Variants in TTC28 observed in about 807,000 individuals in gnomAD.
The protein encoded by TTC28 is tetratricopeptide repeat domain 28, also known as tetratricopeptide repeat protein 28.
A neutral mutation model predicts 198.0 loss-of-function variants in TTC28; 61 were observed. That is an observed-to-expected ratio of 0.31 (90% CI 0.25 to 0.38). TTC28 has a LOEUF of 0.38. Ranked by LOEUF, TTC28 falls within the 10% of genes least tolerant of loss-of-function variation. The pLI, the probability that TTC28 is intolerant of heterozygous loss-of-function variation, is 1.00. For missense variants in TTC28, 2,678 were observed against 3,164.0 expected, an observed-to-expected ratio of 0.85 and a Z score of 3.69; for synonymous variants, 1,171 against 1,297.8, an observed-to-expected ratio of 0.90 and a Z score of 2.10.
chr22:28,210,249 G>A (rs967666804), intron 5 of TTC28, among the ~76,000 whole-genome samples: 4 of 152,194 alleles, frequency 2.6e-5, no homozygotes, highest in African/African-American at 9.6e-5. Flanking sequence ...CCAAAGGAAC[G>A]CAGCTTCTCG....
chr22:28,017,614 G>A (rs1569085037), intron 13 of TTC28, among the ~76,000 whole-genome samples: 1 of 152,196 alleles, frequency 6.6e-6, no homozygotes. Context: ...CGGACAGAGG[G>A]CTGGGGATGC....
intron 2 of TTC28, among the ~76,000 whole-genome samples, chr22:28,387,581 T>G (rs1043643371): frequency 6.6e-6 from 1 of 152,220 alleles, no homozygotes; most frequent in African/African-American, 2.4e-5. Flanking sequence ...GATTTGCATT[T>G]CTCTGATGGC....
intron 2 of TTC28, among the ~76,000 whole-genome samples, chr22:28,475,657 C>G (rs551232483): frequency 1.3e-5 from 2 of 152,252 alleles, no homozygotes; most frequent in African/African-American, 4.8e-5. Context: ...CAAGTAATAA[C>G]ATAAATCTTG....
chr22:28,577,636 T>C (rs748219552), intron 2 of TTC28, among the ~76,000 whole-genome samples: 3 of 152,146 alleles, frequency 2.0e-5, no homozygotes, highest in Non-Finnish European at 2.9e-5. Flanking sequence ...TTTATATATC[T>C]GCATGCCCCA....
intron 2 of TTC28, among the ~76,000 whole-genome samples, chr22:28,355,956 T>C (rs1468379473): frequency 6.6e-6 from 1 of 152,240 alleles, no homozygotes; most frequent in Non-Finnish European, 1.5e-5. Context: ...TGCCCTCCTC[T>C]ATTCGGGTAT....
chr22:28,157,355 G>T (rs2147036052), intron 6 of TTC28, among the ~76,000 whole-genome samples: 1 of 152,250 alleles, frequency 6.6e-6, no homozygotes. Flanking sequence ...CTTCATTGAT[G>T]AATTCTAACA....
At chr22:28,557,438 T>C (rs1314338155) in intron 2 of TTC28, among the ~76,000 whole-genome samples, 1 of 152,226 alleles carries the variant, frequency 6.6e-6, no homozygotes, top group East Asian at 1.9e-4. Context: ...AGGTTTAAGC[T>C]GCTATTTAAC....
chr22:28,272,014 G>C (rs1000255616), intron 5 of TTC28, among the ~76,000 whole-genome samples: 3 of 152,080 alleles, frequency 2.0e-5, no homozygotes, highest in Non-Finnish European at 4.4e-5. Context: ...GGCCTTCCCA[G>C]TCACTTGTAA....
In TTC28 at chr22:27,998,950, T is replaced by C. The variant is rs559331019; in HGVS notation, c.4709A>G (p.Lys1570Arg). The change falls in exon 16 of 23, where the codon AAG becomes AGG. Residue 1570 changes from lysine (K) to arginine (R), a missense_variant. By Grantham distance (26) the Lys-to-Arg change is conservative (BLOSUM62 2). This residue lies in a region of TTC28 where 727 missense variants were observed against 861.9 expected (regional missense o/e 0.84). Transcript: ENST00000397906. ...PSMDGNPASS[K>R]SSFGHPYTIP... The stretch of plus-strand genomic sequence containing the variant: ...CGTGTAGGGGTGGCCGAAGGAGCTC[T>C]TGCTGCTGGCAGGGTTGCCGTCCAT... 6.4e-7 allele frequency: 1 copy of C among 1,550,852 alleles called. No homozygotes were observed. The highest frequency in any genetic ancestry group is 2.0e-5 in the Admixed American group (1 of 50,998).
chr22:28,081,821 G>A (rs1941374482), intron 12 of TTC28, among the ~76,000 whole-genome samples: 1 of 152,126 alleles, frequency 6.6e-6, no homozygotes. Flanking sequence ...GGATTACACT[G>A]AATCTGTAGA....
At chr22:28,562,934 G>A (rs2049910625) in intron 2 of TTC28, among the ~76,000 whole-genome samples, 1 of 152,126 alleles carries the variant, frequency 6.6e-6, no homozygotes, top group Non-Finnish European at 1.5e-5. Context: ...ACCAGCCTGG[G>A]CAACATAGCA....
chr22:28,088,066 T>G (rs1941677618), intron 12 of TTC28, among the ~76,000 whole-genome samples: 1 of 152,138 alleles, frequency 6.6e-6, no homozygotes. Context: ...AGAATCATTA[T>G]TGTGAAAATG....
intron 2 of TTC28, among the ~76,000 whole-genome samples, chr22:28,438,483 T>C (rs1397421457): frequency 2.0e-5 from 3 of 152,206 alleles, no homozygotes; most frequent in African/African-American, 7.2e-5. Context: ...GATAAATATA[T>C]CATATGACTC....
intron 2 of TTC28, among the ~76,000 whole-genome samples, chr22:28,332,989 CAGCA>C (rs2045640528): frequency 6.6e-6 from 1 of 152,034 alleles, no homozygotes; most frequent in Admixed American, 6.6e-5. Context: ...CAGCAGAGAA[CAGCA>C]ATGTAAATGT....
At chr22:28,246,507 A>G (rs1017997665) in intron 5 of TTC28, among the ~76,000 whole-genome samples, 1 of 152,090 alleles carries the variant, frequency 6.6e-6, no homozygotes, top group African/African-American at 2.4e-5. Context: ...TACTTGTTTC[A>G]TGTGTCAGTA....
chr22:28,360,204 T>C lies in TTC28; in HGVS notation c.382-53561A>G, dbSNP rs144790655. Among the ~76,000 whole-genome samples the C allele has an allele frequency of 1.1e-3, 171 of 152,254 alleles. 1 individual carries two copies. Among genetic ancestry groups the C allele is most frequent in the Middle Eastern group, 0.01 (3 of 294 alleles). On this transcript the variant is annotated intron_variant, in intron 2 of 22. Transcript: ENST00000397906. ...CAGGATCTTTCTTCAAACAAAATCT[T>C]AACCAGAATTCCAGTATAAAAAACA...
chr22:28,609,835 T>G (rs1314825969), intron 2 of TTC28, among the ~76,000 whole-genome samples: 1 of 152,228 alleles, frequency 6.6e-6, no homozygotes, highest in Admixed American at 6.5e-5. Flanking sequence ...TAAAATCTAC[T>G]GACTTGAAAT....
intron 2 of TTC28, among the ~76,000 whole-genome samples, chr22:28,554,137 G>A (rs968998177): frequency 4.6e-5 from 7 of 151,976 alleles, no homozygotes; most frequent in South Asian, 4.2e-4. Flanking sequence ...ATTAAGGGCG[G>A]GGCAAGATGT....
intron 2 of TTC28, among the ~76,000 whole-genome samples, chr22:28,604,297 T>TACATATATATATATATATA (rs1053139903): frequency 7.0e-5 from 8 of 114,134 alleles, no homozygotes; most frequent in African/African-American, 2.8e-4. Flanking sequence ...AAAAAAAAAA[T>TACATATATATATATATATA]TATATATATA....
Sources: allele counts gnomAD v4.1 joint callset (sites outside exome capture counted in the v4.1 genomes callset), GRCh38; gene constraint gnomAD v4.1.1; regional missense constraint gnomAD v4.1.1; transcripts MANE v1.5; gene names NCBI Gene and HGNC (gene_info 2026-07-23, HGNC 2026-07-21).